ADAMTSL1: variants seen among roughly 807,000 people sequenced by gnomAD.
ADAMTSL1 encodes ADAMTS-like protein 1.
A neutral mutation model predicts 201.8 loss-of-function variants in ADAMTSL1; 126 were observed. The ratio of observed to expected loss-of-function variants is 0.62; its 90% confidence interval spans 0.54 to 0.72. The LOEUF (loss-of-function observed/expected upper bound fraction) is 0.72, where lower values mean the gene tolerates loss of function less well. Ranked by LOEUF, ADAMTSL1 falls within the 30% of genes least tolerant of loss-of-function variation. ADAMTSL1 has a pLI of 0.00. For synonymous variants in ADAMTSL1, 1,121 were observed against 903.4 expected, an observed-to-expected ratio of 1.24 and a Z score of -4.32; for missense variants, 2,679 against 2,277.8, an observed-to-expected ratio of 1.18 and a Z score of -3.59.
intron 2 of ADAMTSL1, among the ~76,000 whole-genome samples, chr9:18,452,420 G>T (rs1416629816): frequency 6.6e-6 from 1 of 152,152 alleles, no homozygotes; most frequent in African/African-American, 2.4e-5. Flanking sequence ...AATCCCCGAA[G>T]TCACATCCTT....
chr9:18,547,632 A>AC (rs1249052895), intron 3 of ADAMTSL1, among the ~76,000 whole-genome samples: 59 of 100,314 alleles, frequency 5.9e-4, no homozygotes, highest in Non-Finnish European at 9.4e-4. Context: ...GTATATATAT[A>AC]TAAAAAAAAA....
chr9:18,100,286 T>A (rs1208018331), intron 1 of ADAMTSL1, among the ~76,000 whole-genome samples: 1 of 152,142 alleles, frequency 6.6e-6, no homozygotes, highest in East Asian at 1.9e-4. Flanking sequence ...TTACCCAAAC[T>A]GTTTTTGTTT....
At chr9:18,269,067 A>G (rs571764478) in intron 2 of ADAMTSL1, among the ~76,000 whole-genome samples, 7 of 152,270 alleles carry the variant, frequency 4.6e-5, no homozygotes, top group Non-Finnish European at 8.8e-5. Context: ...ATCACATAGT[A>G]TAAAATAAGA....
chr9:17,916,784 A>T (rs915514121), intron 1 of ADAMTSL1, among the ~76,000 whole-genome samples: 2 of 152,200 alleles, frequency 1.3e-5, no homozygotes, highest in African/African-American at 4.8e-5. Context: ...TCTATCCTGT[A>T]TGAATTTTAG....
intron 2 of ADAMTSL1, among the ~76,000 whole-genome samples, chr9:18,405,852 C>G (rs1170395942): frequency 6.6e-6 from 1 of 152,120 alleles, no homozygotes; most frequent in Non-Finnish European, 1.5e-5. Flanking sequence ...CATTTCATGG[C>G]CCCACATAAC....
intron 14 of ADAMTSL1, among the ~76,000 whole-genome samples, chr9:18,720,510 G>A (rs1310462786): frequency 3.3e-5 from 5 of 152,168 alleles, no homozygotes; most frequent in Non-Finnish European, 7.3e-5. Flanking sequence ...GGGACCAGGT[G>A]CAATGGCTCA....
At chr9:18,484,596 T>C (rs927086937) in intron 1 of ADAMTSL1, among the ~76,000 whole-genome samples, 31 of 152,318 alleles carry the variant, frequency 2.0e-4, no homozygotes, top group Admixed American at 9.8e-4. Flanking sequence ...TAGTAAAACC[T>C]TTAAACCAGT....
At chr9:18,024,629 G>A (rs879792904) in intron 1 of ADAMTSL1, among the ~76,000 whole-genome samples, 5 of 152,084 alleles carry the variant, frequency 3.3e-5, no homozygotes, top group Admixed American at 6.6e-5. Context: ...GTATTCCACG[G>A]TGTATATGTT....
chr9:18,323,248 A>G (rs1223364424), intron 2 of ADAMTSL1, among the ~76,000 whole-genome samples: 1 of 152,216 alleles, frequency 6.6e-6, no homozygotes, highest in Non-Finnish European at 1.5e-5. Context: ...AAAATCAATC[A>G]ATGTGGCATA....
chr9:17,923,051 G>T (rs1350018863), intron 1 of ADAMTSL1, among the ~76,000 whole-genome samples: 1 of 152,184 alleles, frequency 6.6e-6, no homozygotes, highest in Non-Finnish European at 1.5e-5. Context: ...AAGCCTTGTA[G>T]TATAGTTTGA....
chr9:18,593,917 T>C (rs926607041), intron 4 of ADAMTSL1, among the ~76,000 whole-genome samples: 2 of 152,310 alleles, frequency 1.3e-5, no homozygotes, highest in East Asian at 3.9e-4. Context: ...AAATATCTAT[T>C]AGATCCATTT....
chr9:18,409,348 A>C (rs1344050920), intron 2 of ADAMTSL1, among the ~76,000 whole-genome samples: 1 of 143,162 alleles, frequency 7.0e-6, no homozygotes, highest in Non-Finnish European at 1.5e-5. Flanking sequence ...GCGCCCCTGC[A>C]CTCCAGCCTG....
At chr9:18,323,069 A>G (rs1834690671) in intron 2 of ADAMTSL1, among the ~76,000 whole-genome samples, 3 of 152,174 alleles carry the variant, frequency 2.0e-5, no homozygotes, top group African/African-American at 7.2e-5. Flanking sequence ...AAAATCTGAG[A>G]AAAAAGCATG....
At chr9:18,826,740 A>T (rs1205782702) in intron 22 of ADAMTSL1, among the ~76,000 whole-genome samples, 1 of 152,232 alleles carries the variant, frequency 6.6e-6, no homozygotes. Context: ...CGGAGACTCC[A>T]GACAGGAGGA....
At chr9:18,052,767 C>A (rs1821995332) in intron 1 of ADAMTSL1, among the ~76,000 whole-genome samples, 1 of 151,942 alleles carries the variant, frequency 6.6e-6, no homozygotes, top group Non-Finnish European at 1.5e-5. Context: ...TCTTAGTTAA[C>A]CCAGCTGTGT....
At chr9:18,300,071 G>T (rs1211535398) in intron 2 of ADAMTSL1, among the ~76,000 whole-genome samples, 1 of 152,134 alleles carries the variant, frequency 6.6e-6, no homozygotes, top group Non-Finnish European at 1.5e-5. Flanking sequence ...CAAGGATCTA[G>T]AACTAGAAAT....
chr9:18,828,702 T>TA (rs1563836176), intron 22 of ADAMTSL1, among the ~76,000 whole-genome samples: 16 of 65,520 alleles, frequency 2.4e-4, no homozygotes, highest in African/African-American at 8.1e-4. Flanking sequence ...ATAAAATGTG[T>TA]GTGTGTGTAT....
chr9:18,032,991 G>A (rs555433589), intron 1 of ADAMTSL1, among the ~76,000 whole-genome samples: 42 of 152,036 alleles, frequency 2.8e-4, no homozygotes, highest in African/African-American at 1.0e-3. Context: ...AAATGTAATC[G>A]TTTACTTGAT....
intron 2 of ADAMTSL1, among the ~76,000 whole-genome samples, chr9:18,414,973 G>T (rs1818609731): frequency 6.6e-6 from 1 of 152,176 alleles, no homozygotes; most frequent in Non-Finnish European, 1.5e-5. Context: ...GGAAAGTCTT[G>T]CCTCAATCAT....
Sources: allele counts gnomAD v4.1 joint callset (sites outside exome capture counted in the v4.1 genomes callset), GRCh38; gene constraint gnomAD v4.1.1; transcripts MANE v1.5; gene names NCBI Gene and HGNC (gene_info 2026-07-23, HGNC 2026-07-21).